The following DNAH8 variants were observed in gnomAD, a reference collection of about 807,000 sequenced individuals.
DNAH8 encodes dynein axonemal heavy chain 8.
Under a neutral mutation model 562.1 loss-of-function variants are expected in DNAH8, and 382 were observed. That is an observed-to-expected ratio of 0.68 (90% CI 0.63 to 0.74). The LOEUF (loss-of-function observed/expected upper bound fraction) is 0.74, where lower values mean the gene tolerates loss of function less well. Ranked by LOEUF, DNAH8 falls within the 30% of genes least tolerant of loss-of-function variation. The pLI, the probability that DNAH8 is intolerant of heterozygous loss-of-function variation, is 0.00. For missense variants in DNAH8, 5,203 were observed against 5,620.4 expected (o/e 0.93, Z 2.37); for synonymous variants, 1,881 against 1,919.4 (o/e 0.98, Z 0.52).
chr6:38,886,152 G>A, intron 56 of DNAH8, among the ~76,000 whole-genome samples: 1 of 152,140 alleles, frequency 6.6e-6, no homozygotes, highest in Non-Finnish European at 1.5e-5. Flanking sequence ...CTGGAACAAT[G>A]AGAAGAGGAA....
intron 82 of DNAH8, among the ~76,000 whole-genome samples, chr6:38,963,362 CTTTTTTTTTTTT>C (rs59492769): frequency 6.7e-5 from 2 of 29,942 alleles, no homozygotes; most frequent in Non-Finnish European, 1.2e-4. Context: ...TGAGAAAGTC[CTTTTTTTTTTTT>C]TTTTTTTTTG....
chr6:38,913,673 G>C (rs1367675243), intron 66 of DNAH8, among the ~76,000 whole-genome samples, 176 bp from the exon 67 acceptor site: 1 of 152,128 alleles, frequency 6.6e-6, no homozygotes, highest in Admixed American at 6.6e-5. Flanking sequence ...TTGAAACTCA[G>C]AAATATGGTC....
At chr6:38,977,919 G>A (rs1763783261) in intron 85 of DNAH8, among the ~76,000 whole-genome samples, 1 of 152,192 alleles carries the variant, frequency 6.6e-6, no homozygotes, top group Non-Finnish European at 1.5e-5. Context: ...TCCCCAGGAG[G>A]CCAAAAGGAA....
chr6:39,030,639 T>G lies in DNAH8; in HGVS notation c.*247T>G. 2.4e-6 allele frequency: 1 copy of G among 415,242 alleles called. No individual in the cohort carries two copies. The highest frequency in any genetic ancestry group is 4.4e-5 in the East Asian group (1 of 22,490). 25.7% of individuals were successfully genotyped at this position (415,242 alleles called of 1,614,324 possible). On this transcript the variant is annotated 3_prime_UTR_variant, in exon 93 of 93. Transcript: ENST00000327475. Reference sequence around the variant, plus strand: ...TTTCACTATAATTACTTTTTAAAGATAAAACCCTGTTTGGATGTTAGAACA... The same window carrying G: ...TTTCACTATAATTACTTTTTAAAGAGAAAACCCTGTTTGGATGTTAGAACA...
At chr6:38,955,804 G>A (rs1036631448) in intron 82 of DNAH8, among the ~76,000 whole-genome samples, 3 of 152,034 alleles carry the variant, frequency 2.0e-5, no homozygotes, top group Non-Finnish European at 2.9e-5. Flanking sequence ...CAGGAACCTC[G>A]GGATATAGGT....
chr6:38,738,410 C>T (rs1764268866), intron 7 of DNAH8, among the ~76,000 whole-genome samples: 1 of 152,176 alleles, frequency 6.6e-6, no homozygotes, highest in Non-Finnish European at 1.5e-5. Flanking sequence ...ACATCAGCAT[C>T]ACAGTGGCAA....
chr6:38,909,800 A>G (rs530253653), intron 65 of DNAH8, 56 bp downstream of exon 65: 12 of 1,343,966 alleles, frequency 8.9e-6, no homozygotes, highest in Middle Eastern at 1.8e-4. Context: ...TATTCCCAAG[A>G]GGAATGCATT....
chr6:38,737,270 T>G lies in DNAH8; in HGVS notation c.952+14T>G. ...CATTTTTAGATGGTAAGTATAAAATTTAATGTTTAGCAAATTGCAAAAAAG... is the reference window on the plus strand; with the variant it reads ...CATTTTTAGATGGTAAGTATAAAATGTAATGTTTAGCAAATTGCAAAAAAG... On this transcript the variant is annotated intron_variant, in intron 6 of 92. Transcript: ENST00000327475. 1.4e-6 allele frequency: 2 copies of G among 1,389,614 alleles called. No homozygotes were observed. Among genetic ancestry groups the G allele is most frequent in the Non-Finnish European group, 1.9e-6 (2 of 1,060,196 alleles). 86.1% of individuals were successfully genotyped at this position (1,389,614 alleles called of 1,614,324 possible). A position where few individuals can be genotyped will look rare whatever the true frequency, so the allele number is the denominator to read the frequency against.
chr6:38,739,921 T>G (rs1016995374), intron 7 of DNAH8, among the ~76,000 whole-genome samples: 1 of 152,204 alleles, frequency 6.6e-6, no homozygotes, highest in African/African-American at 2.4e-5. Context: ...AATTTTGTGT[T>G]TTTCATGTAC....
At chr6:38,809,080 A>G (rs965644988) in intron 24 of DNAH8, among the ~76,000 whole-genome samples, 13 of 152,016 alleles carry the variant, frequency 8.6e-5, no homozygotes, top group African/African-American at 2.9e-4. Context: ...CCCAGAACTT[A>G]AAGTACGATT....
intron 28 of DNAH8, 41 bp from the exon 29 acceptor site, chr6:38,826,115 G>A: frequency 7.3e-7 from 1 of 1,363,176 alleles, no homozygotes; most frequent in Non-Finnish European, 1.0e-6. Context: ...GTTTCAGAAT[G>A]CCAGTTATAT....
intron 3 of DNAH8, 53 bp downstream of exon 3, chr6:38,723,524 A>G (rs1280013540): frequency 1.2e-5 from 18 of 1,553,378 alleles, no homozygotes; most frequent in Non-Finnish European, 3.5e-6. Context: ...TAAGTGATTA[A>G]CTTAAGAAAA....
chr6:38,773,828 G>A (rs1035951918), intron 12 of DNAH8, among the ~76,000 whole-genome samples: 1 of 152,162 alleles, frequency 6.6e-6, no homozygotes, highest in Non-Finnish European at 1.5e-5. Flanking sequence ...GTGAACTCTT[G>A]CATAGATGAA....
chr6:38,918,177 T>G (rs1218130314), intron 70 of DNAH8, 37 bp downstream of exon 70: 1 of 1,465,852 alleles, frequency 6.8e-7, no homozygotes, highest in Admixed American at 1.8e-5. Flanking sequence ...AAATCAATAT[T>G]TCATAAAATC....
At chr6:38,767,877 A>G (rs1251647934) in intron 11 of DNAH8, among the ~76,000 whole-genome samples, 1 of 152,220 alleles carries the variant, frequency 6.6e-6, no homozygotes, top group East Asian at 1.9e-4. Flanking sequence ...CCTGCCAAAC[A>G]ATTTTCCACA....
At chr6:38,887,562 C>T (rs945300221) in intron 57 of DNAH8, among the ~76,000 whole-genome samples, 57 of 152,040 alleles carry the variant, frequency 3.7e-4, no homozygotes, top group Non-Finnish European at 4.1e-4. Flanking sequence ...AAAACATTAG[C>T]TGGGCATGGT....
intron 92 of DNAH8, among the ~76,000 whole-genome samples, chr6:39,026,916 T>C (rs1191387074): frequency 1.3e-5 from 2 of 152,202 alleles, no homozygotes; most frequent in East Asian, 3.8e-4. Context: ...AAGTTACACT[T>C]GTGTTTGCTA....
chr6:38,779,480 G>A (rs1768377902), intron 14 of DNAH8, among the ~76,000 whole-genome samples: 1 of 152,086 alleles, frequency 6.6e-6, no homozygotes, highest in South Asian at 2.1e-4. Context: ...TTTCCTGTGT[G>A]TCATTCAGTC....
chr6:38,982,813 C>T lies in DNAH8; in HGVS notation c.12951+351C>T, dbSNP rs977307604. 5.9e-5 allele frequency among the ~76,000 whole-genome samples: 9 copies of T among 152,194 alleles called. No individual in the cohort carries two copies. The South Asian group carries it at 6.2e-4, about 10-fold the overall frequency. On this transcript the variant is annotated intron_variant, in intron 86 of 92. Transcript: ENST00000327475. ...TGAAGATGGTATCTGCCTGCCCATG[C>T]GAAAGTTCTTTCTCACCTTAAGTCA...
Sources: allele counts gnomAD v4.1 joint callset (sites outside exome capture counted in the v4.1 genomes callset), GRCh38; gene constraint gnomAD v4.1.1; transcripts MANE v1.5; gene names NCBI Gene and HGNC (gene_info 2026-07-23, HGNC 2026-07-21).